The following TMPRSS11F variants were observed in gnomAD, a reference collection of about 807,000 sequenced individuals.
TMPRSS11F encodes the protein transmembrane protease serine 11F.
A neutral mutation model predicts 60.2 loss-of-function variants in TMPRSS11F; 47 were observed. The observed-to-expected ratio is 0.78, with a 90% CI of 0.62 to 1.00. The LOEUF is 1.00. Ranked by LOEUF, TMPRSS11F falls within the 50% of genes least tolerant of loss-of-function variation. The probability of loss-of-function intolerance (pLI) is 0.00; values close to 1 mark genes in which losing one functional copy is unlikely to be tolerated. For missense variants in TMPRSS11F, 519 were observed against 522.9 expected, an observed-to-expected ratio of 0.99 and a Z score of 0.07; for synonymous variants, 166 against 167.3, an observed-to-expected ratio of 0.99 and a Z score of 0.06.
At chr4:68,093,660 G>A (rs992369303) in intron 2 of TMPRSS11F, among the ~76,000 whole-genome samples, 1 of 151,626 alleles carries the variant, frequency 6.6e-6, no homozygotes, top group African/African-American at 2.4e-5. Context: ...CTGACAAAGG[G>A]CTAATATCCA....
At chr4:68,110,506 T>G (rs1171298117) in intron 1 of TMPRSS11F, among the ~76,000 whole-genome samples, 1 of 152,132 alleles carries the variant, frequency 6.6e-6, no homozygotes. Flanking sequence ...TGAGAGATAG[T>G]ATAACATACT....
chr4:68,069,868 G>A, intron 6 of TMPRSS11F, 101 bp downstream of exon 6: 1 of 877,780 alleles, frequency 1.1e-6, no homozygotes, highest in Non-Finnish European at 1.7e-6. Flanking sequence ...TATAAAATGA[G>A]TCTTAAAAAG....
intron 1 of TMPRSS11F, among the ~76,000 whole-genome samples, chr4:68,127,356 T>A (rs1162128391): frequency 6.6e-6 from 1 of 152,104 alleles, no homozygotes; most frequent in African/African-American, 2.4e-5. Context: ...TATTTGTTTT[T>A]TCGCATTGAT....
intron 5 of TMPRSS11F, among the ~76,000 whole-genome samples, chr4:68,071,382 T>C (rs1723459242): frequency 6.6e-6 from 1 of 152,220 alleles, no homozygotes; most frequent in South Asian, 2.1e-4. Context: ...GCATGACTAT[T>C]GGGAAGGGAG....
At chr4:68,075,180 C>T (rs191772315) in intron 3 of TMPRSS11F, among the ~76,000 whole-genome samples, 125 of 152,220 alleles carry the variant, frequency 8.2e-4, no homozygotes, top group Non-Finnish European at 1.3e-3. Flanking sequence ...AGTAATAATG[C>T]CCAGTAGACT....
chr4:68,074,586 T>C (rs2109848428), intron 3 of TMPRSS11F, among the ~76,000 whole-genome samples: 1 of 152,334 alleles, frequency 6.6e-6, no homozygotes, highest in African/African-American at 2.4e-5. Flanking sequence ...GCCATGTGAC[T>C]CTGACACCCT....
intron 1 of TMPRSS11F, among the ~76,000 whole-genome samples, chr4:68,105,036 TC>T (rs1724275287): frequency 1.5e-5 from 2 of 134,622 alleles, no homozygotes; most frequent in Non-Finnish European, 3.1e-5. Context: ...GTGTTAGAAA[TC>T]ATTCCCTCTA....
At chr4:68,065,306 T>G (rs1415495931) in intron 7 of TMPRSS11F, among the ~76,000 whole-genome samples, 1 of 152,200 alleles carries the variant, frequency 6.6e-6, no homozygotes, top group Non-Finnish European at 1.5e-5. Flanking sequence ...GATTCTTATT[T>G]TATGACTCAC....
intron 1 of TMPRSS11F, among the ~76,000 whole-genome samples, chr4:68,110,644 G>T (rs1009921177): frequency 1.3e-5 from 2 of 152,120 alleles, no homozygotes; most frequent in East Asian, 3.9e-4. Flanking sequence ...TGCAAAATGG[G>T]TATAACAGTA....
At position 68,104,747 on chromosome 4, in the gene TMPRSS11F, T is replaced by C. The variant is rs562834791; in HGVS notation, c.12-5709A>G. On this transcript the variant is annotated intron_variant, in intron 1 of 9. Coordinates refer to ENST00000356291, the MANE Select transcript of TMPRSS11F (RefSeq NM_207407.2). ...AAATAATGTTGAACTTTGTCAGAGA[T>C]ATTTTCAATAAAGATAATCATGAGG... is the stretch of plus-strand genomic sequence containing the variant. Among the ~76,000 whole-genome samples, 42 of 152,310 alleles carry C rather than the reference T, an allele frequency of 2.8e-4. No individual in the cohort carries two copies. In the South Asian group the frequency reaches 8.1e-3, roughly 29 times the overall value.
At chr4:68,117,127 G>A (rs1399881184) in intron 1 of TMPRSS11F, among the ~76,000 whole-genome samples, 1 of 149,080 alleles carries the variant, frequency 6.7e-6, no homozygotes. Flanking sequence ...AAGTTTATAA[G>A]GAACTCCTAC....
intron 1 of TMPRSS11F, among the ~76,000 whole-genome samples, chr4:68,101,787 CAA>C (rs1724195754): frequency 6.6e-6 from 1 of 152,078 alleles, no homozygotes; most frequent in South Asian, 2.1e-4. Context: ...TATAGTGAAA[CAA>C]ATTCACTTAT....
intron 1 of TMPRSS11F, among the ~76,000 whole-genome samples, chr4:68,107,709 C>A (rs189383561): frequency 1.3e-5 from 2 of 152,058 alleles, no homozygotes; most frequent in Non-Finnish European, 2.9e-5. Flanking sequence ...GGGGCCAAGG[C>A]GGGCAGATCA....
intron 1 of TMPRSS11F, among the ~76,000 whole-genome samples, chr4:68,102,528 G>A (rs921505849): frequency 5.3e-5 from 8 of 151,968 alleles, no homozygotes; most frequent in Non-Finnish European, 7.4e-5. Flanking sequence ...AGTGTGAGGT[G>A]GTATCTCATG....
rs528160773 is a variant in TMPRSS11F at position 68,069,846 on chromosome 4, G to A, written c.553+123C>T. Reference sequence around the variant, plus strand: ...AAAATAATAAAAAGACTAAGTGTTCGGTTTACAAAAATATAAAATGAGTCT... The same window carrying A: ...AAAATAATAAAAAGACTAAGTGTTCAGTTTACAAAAATATAAAATGAGTCT... On this transcript the variant is annotated intron_variant, in intron 6 of 9. Transcript: ENST00000356291. 1.1e-4 allele frequency: 70 copies of A among 650,738 alleles called. 1 individual carries two copies. In the East Asian group the frequency reaches 1.7e-3, roughly 16 times the overall value. 40.3% of individuals were successfully genotyped at this position (650,738 alleles called of 1,614,324 possible).
chr4:68,062,431 G>T, intron 8 of TMPRSS11F: 3 of 623,930 alleles, frequency 4.8e-6, no homozygotes, highest in South Asian at 4.2e-5. Context: ...TTTGGTAAAA[G>T]GTTGAATATG....
intron 1 of TMPRSS11F, 83 bp from the exon 2 acceptor site, chr4:68,099,121 A>C: frequency 8.2e-7 from 1 of 1,225,730 alleles, no homozygotes; most frequent in Non-Finnish European, 1.1e-6. Flanking sequence ...CCTCTATGAA[A>C]ATAGTTTATA....
rs75244111 is a variant in TMPRSS11F, at chr4:68,106,327, G to A, written c.12-7289C>T. 6.8e-3 allele frequency among the ~76,000 whole-genome samples: 1,034 copies of A among 152,240 alleles called. 8 individuals carry two copies. The highest frequency in any genetic ancestry group is 0.024 in the African/African-American group (980 of 41,538). On this transcript the variant is annotated intron_variant, in intron 1 of 9. Transcript: ENST00000356291. ...AGCATGAGTCAGAAACACTGGCAAC[G>A]GGAGACAGATAGTAAAAAGCAGGGG...
chr4:68,054,444 T>TTGATTGTA (rs761353856), intron 9 of TMPRSS11F, among the ~76,000 whole-genome samples: 45 of 152,176 alleles, frequency 3.0e-4, no homozygotes, highest in Non-Finnish European at 3.4e-4. Flanking sequence ...TGCTGTCACC[T>TTGATTGTA]TGATTGTATT....
Sources: allele counts gnomAD v4.1 joint callset (sites outside exome capture counted in the v4.1 genomes callset), GRCh38; gene constraint gnomAD v4.1.1; transcripts MANE v1.5; gene names NCBI Gene and HGNC (gene_info 2026-07-23, HGNC 2026-07-21).